The following SCARA5 variants were observed in gnomAD, a reference collection of about 807,000 sequenced individuals.
The protein encoded by SCARA5 is scavenger receptor class A, member 5 (putative).
Under a neutral mutation model 46.3 loss-of-function variants are expected in SCARA5, and 45 were observed. That is an observed-to-expected ratio of 0.97 (90% CI 0.76 to 1.24). The LOEUF (loss-of-function observed/expected upper bound fraction) is 1.24, where lower values mean the gene tolerates loss of function less well. Among genes scored for constraint, SCARA5 ranks in the 50% most tolerant of loss-of-function variants. SCARA5 has a pLI of 0.00. For missense variants in SCARA5, 680 were observed against 689.0 expected (o/e 0.99, Z 0.15); for synonymous variants, 333 against 306.5 (o/e 1.09, Z -0.90).
chr8:27,880,847 CCTGT>C (rs780474129), intron 7 of SCARA5, among the ~76,000 whole-genome samples: 42 of 100,244 alleles, frequency 4.2e-4, no homozygotes, highest in Middle Eastern at 6.3e-3. Flanking sequence ...AAAGCAAGAC[CCTGT>C]CTAAGGAAAA....
rs1047923549 is a variant in SCARA5, at chr8:27,887,976, T to C, written c.1154-8210A>G. Among the ~76,000 whole-genome samples the C allele has an allele frequency of 2.6e-5, 4 of 152,196 alleles. No individual in the cohort carries two copies. In the South Asian group the frequency reaches 8.3e-4, roughly 31 times the overall value. ...GGTGTTTTTCAGAAACCCAGCTGGATGTTTTTCAGAAACCCAGAACCAAAT... is the reference window on the plus strand; with the variant it reads ...GGTGTTTTTCAGAAACCCAGCTGGACGTTTTTCAGAAACCCAGAACCAAAT... On this transcript the variant is annotated intron_variant, in intron 7 of 8. Coordinates refer to ENST00000354914, the MANE Select transcript of SCARA5 (RefSeq NM_173833.6).
At chr8:27,946,973 T>C (rs927226733) in intron 3 of SCARA5, among the ~76,000 whole-genome samples, 3 of 152,046 alleles carry the variant, frequency 2.0e-5, no homozygotes, top group South Asian at 2.1e-4. Flanking sequence ...CTGTCTCTCC[T>C]AGCGAACAGA....
chr8:27,919,451 G>A (rs1401373066), intron 4 of SCARA5, among the ~76,000 whole-genome samples: 1 of 151,990 alleles, frequency 6.6e-6, no homozygotes, highest in Non-Finnish European at 1.5e-5. Flanking sequence ...TAAATATCTC[G>A]AGAACATCAC....
chr8:27,884,742 G>A (rs549709003), intron 7 of SCARA5, among the ~76,000 whole-genome samples: 5 of 152,200 alleles, frequency 3.3e-5, no homozygotes, highest in Non-Finnish European at 7.3e-5. Context: ...AAGTGACTGA[G>A]AGTCTATCAG....
intron 7 of SCARA5, among the ~76,000 whole-genome samples, chr8:27,882,701 G>T (rs1160702783): frequency 1.3e-5 from 2 of 152,206 alleles, no homozygotes; most frequent in Non-Finnish European, 2.9e-5. Flanking sequence ...CATCAAATCT[G>T]AGATGCCACC....
At chr8:27,952,008 C>T (rs1422833440) in intron 3 of SCARA5, among the ~76,000 whole-genome samples, 1 of 150,150 alleles carries the variant, frequency 6.7e-6, no homozygotes, top group African/African-American at 2.5e-5. Context: ...TGGAAATAAA[C>T]TCTTGGTAGG....
Position 27,921,642 on chromosome 8 carries a change from G to A in SCARA5, c.845C>T (p.Ala282Val), listed in dbSNP as rs777039342. 1.3e-5 allele frequency: 21 copies of A among 1,606,092 alleles called. No individual in the cohort carries two copies. The East Asian group carries it at 3.4e-4, about 26-fold the overall frequency. ...QLKQELAMLN[A>V]VTEDLRLKDW... is the part of the protein sequence containing the mutation. Reference sequence around the variant, plus strand: ...CTTGAGGCGCAGGTCCTCGGTGACCGCGTTGAGCATGGCCAGCTCCTGCTT... The same window carrying A: ...CTTGAGGCGCAGGTCCTCGGTGACCACGTTGAGCATGGCCAGCTCCTGCTT... Residue 282 changes from alanine to valine, a missense_variant, in exon 4 of 9, where the codon GCG (alanine) becomes GTG (valine). By Grantham distance (64) the Ala-to-Val change is moderately conservative (BLOSUM62 0). Coordinates refer to ENST00000354914, the MANE Select transcript of SCARA5 (RefSeq NM_173833.6).
At chr8:27,885,123 G>A (rs1355767667) in intron 7 of SCARA5, among the ~76,000 whole-genome samples, 1 of 151,506 alleles carries the variant, frequency 6.6e-6, no homozygotes, top group Admixed American at 6.6e-5. Flanking sequence ...ATCTTGGACA[G>A]GTGGACAAGG....
chr8:27,889,445 G>A (rs1806948939), intron 7 of SCARA5, among the ~76,000 whole-genome samples: 1 of 152,178 alleles, frequency 6.6e-6, no homozygotes, highest in African/African-American at 2.4e-5. Flanking sequence ...TGTGGGAGCA[G>A]AGGCCCAGAG....
chr8:27,911,606 G>A (rs548234940), intron 4 of SCARA5, among the ~76,000 whole-genome samples: 28 of 152,258 alleles, frequency 1.8e-4, no homozygotes, highest in East Asian at 3.9e-4. Flanking sequence ...CAGGAGAATC[G>A]CCTGAATCCG....
chr8:27,969,908 A>G (rs1462690920), intron 2 of SCARA5, among the ~76,000 whole-genome samples: 1 of 152,342 alleles, frequency 6.6e-6, no homozygotes, highest in East Asian at 1.9e-4. Flanking sequence ...TTTATGGAAC[A>G]TCCACTGTGG....
intron 3 of SCARA5, among the ~76,000 whole-genome samples, chr8:27,962,192 C>T (rs1808303882): frequency 6.6e-6 from 1 of 152,138 alleles, no homozygotes; most frequent in African/African-American, 2.4e-5. Context: ...CAATTCTGTC[C>T]CCAGGTTTTT....
intron 2 of SCARA5, among the ~76,000 whole-genome samples, chr8:27,969,477 C>G (rs771475002): frequency 6.6e-6 from 1 of 152,072 alleles, no homozygotes; most frequent in Non-Finnish European, 1.5e-5. Flanking sequence ...GTAAAAAGAT[C>G]CGTGGTTGCC....
intron 2 of SCARA5, among the ~76,000 whole-genome samples, chr8:27,972,352 AAAAAAAAAC>A (rs1808461476): frequency 1.3e-5 from 2 of 149,890 alleles, no homozygotes; most frequent in African/African-American, 4.9e-5. Context: ...AAAACAAAAC[AAAAAAAAAC>A]AAAAAAAGTA....
At chr8:27,942,848 T>G (rs1807974040) in intron 3 of SCARA5, among the ~76,000 whole-genome samples, 1 of 152,202 alleles carries the variant, frequency 6.6e-6, no homozygotes, top group Non-Finnish European at 1.5e-5. Context: ...TGGAAGTAAC[T>G]ATATCCACTT....
intron 1 of SCARA5, among the ~76,000 whole-genome samples, chr8:27,990,785 C>T (rs1018788935): frequency 2.6e-5 from 4 of 152,166 alleles, no homozygotes; most frequent in Admixed American, 1.3e-4. Context: ...AGCACATGGG[C>T]GAGATGTGGA....
chr8:27,916,149 A>C (rs1807457189), intron 4 of SCARA5, among the ~76,000 whole-genome samples: 1 of 152,232 alleles, frequency 6.6e-6, no homozygotes. Flanking sequence ...AGCTCATCAA[A>C]AACTGTATAA....
At chr8:27,964,292 C>A (rs920457013) in intron 3 of SCARA5, among the ~76,000 whole-genome samples, 1 of 152,130 alleles carries the variant, frequency 6.6e-6, no homozygotes, top group Non-Finnish European at 1.5e-5. Flanking sequence ...ACACCCAGGG[C>A]CAAGAGATCA....
intron 2 of SCARA5, among the ~76,000 whole-genome samples, chr8:27,966,944 G>A (rs1808378445): frequency 6.6e-6 from 1 of 152,234 alleles, no homozygotes. Flanking sequence ...AACTTCTACA[G>A]TGGCTGGGAA....
Sources: gnomAD v4.1 joint callset for allele counts (sites outside exome capture counted in the v4.1 genomes callset) on GRCh38, gnomAD v4.1.1 for gene constraint, MANE v1.5 for transcripts, NCBI Gene and HGNC (gene_info 2026-07-23, HGNC 2026-07-21) for gene names.